MAP4: variants seen among roughly 807,000 people sequenced by gnomAD.
MAP4 encodes the protein microtubule-associated protein 4.
A neutral mutation model predicts 170.2 loss-of-function variants in MAP4; 76 were observed. That is an observed-to-expected ratio of 0.45 (90% CI 0.37 to 0.54). The LOEUF is 0.54. MAP4 is among the 20% of genes least tolerant of loss of function. The pLI, the probability that MAP4 is intolerant of heterozygous loss-of-function variation, is 0.00. For missense variants in MAP4, 2,506 were observed against 2,748.0 expected (o/e 0.91, Z 1.97); for synonymous variants, 909 against 994.5 (o/e 0.91, Z 1.62).
chr3:47,922,904 G>C (rs1444157661), intron 4 of MAP4, among the ~76,000 whole-genome samples: 3 of 152,138 alleles, frequency 2.0e-5, no homozygotes, highest in South Asian at 2.1e-4. Flanking sequence ...AAAAAAATTA[G>C]TCAGGCGTGG....
At chr3:47,889,358 C>T (rs950450960) in intron 10 of MAP4, among the ~76,000 whole-genome samples, 4 of 152,220 alleles carry the variant, frequency 2.6e-5, no homozygotes, top group Admixed American at 6.5e-5. Flanking sequence ...TCCCAGGGTT[C>T]CAAGGCCCAC....
At position 47,911,020 on chromosome 3, in the gene MAP4, G is replaced by A. The variant is rs749245740; in HGVS notation, c.3401C>T (p.Thr1134Met). The change falls in exon 9 of 21, where the codon ACG becomes ATG. Residue 1134 changes from threonine (T) to methionine (M), a missense_variant. By Grantham distance (81) the Thr-to-Met change is moderately conservative (BLOSUM62 -1). Around this residue, in one of 3 missense-constraint regions of MAP4, gnomAD observed 2,008 missense variants for 2,206.0 expected, o/e 0.91. Coordinates refer to ENST00000683076, the MANE Select transcript of MAP4 (RefSeq NM_001385682.1). The surrounding 1 kb of genome is among the most constrained non-coding windows in gnomAD (Gnocchi z 4.0). ...SKQPGTKADLTEAVVMGEPKE... is the reference protein window; with the variant it reads ...SKQPGTKADLMEAVVMGEPKE... ...AGGCTCCCCCATCACCACTGCCTCC[G>A]TGAGATCAGCCTTAGTGCCTGGTTG... 1.9e-5 allele frequency: 29 copies of A among 1,536,014 alleles called. No homozygotes were observed. The highest frequency in any genetic ancestry group is 9.5e-5 in the South Asian group (8 of 84,064).
At position 47,872,051 on chromosome 3, in the gene MAP4, G is replaced by A. The variant is rs1164477814; in HGVS notation, c.5807C>T (p.Pro1936Leu). The A allele has an allele frequency of 1.9e-6, 3 of 1,613,258 alleles. No individual in the cohort carries two copies. The highest frequency in any genetic ancestry group is 1.3e-5 in the African/African-American group (1 of 74,928). The change falls in exon 13 of 21, where the codon CCA becomes CTA. Residue 1936 changes from proline (P) to leucine (L), a missense_variant. Around this residue, in one of 3 missense-constraint regions of MAP4, gnomAD observed 487 missense variants for 511.6 expected, o/e 0.95. Transcript: ENST00000683076. Reference sequence around the variant, plus strand: ...AGATCTGGAGGCTGGGGCAGAAGCTGGCTTGGATGGTGAGGCCCGCTTCTC... The same window carrying A: ...AGATCTGGAGGCTGGGGCAGAAGCTAGCTTGGATGGTGAGGCCCGCTTCTC... Reference protein sequence around the residue: ...APEKRASPSKPASAPASRSGS... With the variant: ...APEKRASPSKLASAPASRSGS...
intron 3 of MAP4, among the ~76,000 whole-genome samples, chr3:47,944,219 A>AGAAT (rs2100058270): frequency 6.6e-6 from 1 of 152,068 alleles, no homozygotes; most frequent in Non-Finnish European, 1.5e-5. Flanking sequence ...CTGAGGCAGA[A>AGAAT]GAATGGCTTG....
intron 7 of MAP4, among the ~76,000 whole-genome samples, chr3:47,915,692 G>A (rs1432342575): frequency 6.6e-6 from 1 of 152,156 alleles, no homozygotes; most frequent in African/African-American, 2.4e-5. Flanking sequence ...TGGAATAGAA[G>A]TTTGTCGATG....
intron 12 of MAP4, among the ~76,000 whole-genome samples, chr3:47,872,577 A>C (rs1176185967): frequency 6.6e-6 from 1 of 152,184 alleles, no homozygotes; most frequent in Non-Finnish European, 1.5e-5. Flanking sequence ...CTAAGAGCAA[A>C]GTCCTCCACA....
intron 7 of MAP4, among the ~76,000 whole-genome samples, chr3:47,915,317 T>C (rs2100038167): frequency 6.6e-6 from 1 of 151,932 alleles, no homozygotes; most frequent in Non-Finnish European, 1.5e-5. Context: ...GGTTTCTCCA[T>C]GTTGGTCAGG....
At chr3:47,936,626 G>T (rs2100053042) in intron 3 of MAP4, among the ~76,000 whole-genome samples, 1 of 151,914 alleles carries the variant, frequency 6.6e-6, no homozygotes, top group African/African-American at 2.4e-5. Flanking sequence ...CTTCTTCACA[G>T]GACAGAAAAG....
At chr3:48,087,780 G>A (rs1257326073) in intron 1 of MAP4, among the ~76,000 whole-genome samples, 2 of 136,950 alleles carry the variant, frequency 1.5e-5, no homozygotes, top group African/African-American at 5.6e-5. Context: ...CACACACACT[G>A]CAAGAAACAC....
chr3:48,046,953 G>T (rs1237774062), intron 1 of MAP4, among the ~76,000 whole-genome samples: 1 of 151,998 alleles, frequency 6.6e-6, no homozygotes, highest in Non-Finnish European at 1.5e-5. Flanking sequence ...AATGAGCCGG[G>T]CGTGGTGGCA....
At chr3:47,936,399 T>C (rs1325054204) in intron 3 of MAP4, among the ~76,000 whole-genome samples, 1 of 150,936 alleles carries the variant, frequency 6.6e-6, no homozygotes, top group Non-Finnish European at 1.5e-5. Context: ...ATCACTGTAC[T>C]CTAGCCTGGG....
intron 10 of MAP4, among the ~76,000 whole-genome samples, chr3:47,882,637 A>G (rs1432575230): frequency 2.0e-5 from 3 of 151,962 alleles, no homozygotes; most frequent in Non-Finnish European, 4.4e-5. Flanking sequence ...ATGGGGTCTC[A>G]CTGTGTTGCT....
chr3:47,872,744 A>G (rs2093835951), intron 12 of MAP4, among the ~76,000 whole-genome samples: 1 of 152,194 alleles, frequency 6.6e-6, no homozygotes, highest in Non-Finnish European at 1.5e-5. Context: ...TGCTATATAT[A>G]TCATACACAC....
chr3:47,889,017 G>C (rs1344965868), intron 10 of MAP4, among the ~76,000 whole-genome samples: 1 of 152,188 alleles, frequency 6.6e-6, no homozygotes, highest in Non-Finnish European at 1.5e-5. Flanking sequence ...TCGGAACCCT[G>C]ACATATATGG....
At chr3:48,045,245 T>G (rs1256491462) in intron 1 of MAP4, among the ~76,000 whole-genome samples, 4 of 118,878 alleles carry the variant, frequency 3.4e-5, no homozygotes, top group Admixed American at 2.1e-4. Context: ...GTGACAAGAG[T>G]GAGACTCAGT....
chr3:48,076,218 C>T (rs549926829), intron 1 of MAP4, among the ~76,000 whole-genome samples: 82 of 151,724 alleles, frequency 5.4e-4, no homozygotes, highest in Middle Eastern at 3.4e-3. Context: ...ACATCTCAGC[C>T]GGGCGCAGTG....
upstream of MAP4, among the ~76,000 whole-genome samples, chr3:48,020,788 T>C (rs2100110156): frequency 6.6e-6 from 1 of 152,156 alleles, no homozygotes; most frequent in Non-Finnish European, 1.5e-5. Context: ...TATTTGTTGT[T>C]GTTGTTTTGT....
chr3:48,022,959 G>A (rs1363927650), intron 1 of MAP4, among the ~76,000 whole-genome samples: 1 of 152,024 alleles, frequency 6.6e-6, no homozygotes, highest in Non-Finnish European at 1.5e-5. Context: ...CAGACTCCAG[G>A]AAATGAAAAA....
intron 1 of MAP4, among the ~76,000 whole-genome samples, chr3:48,011,347 A>C (rs999241459): frequency 1.3e-5 from 2 of 152,068 alleles, no homozygotes; most frequent in Non-Finnish European, 1.5e-5. Flanking sequence ...TGGCCAACAC[A>C]GTAAAACCCT....
Sources: gnomAD v4.1 joint callset for allele counts (sites outside exome capture counted in the v4.1 genomes callset) on GRCh38, gnomAD v4.1.1 for gene constraint, gnomAD v4.1.1 regional missense constraint, Gnocchi (gnomAD v3.1) non-coding constraint, MANE v1.5 for transcripts, NCBI Gene and HGNC (gene_info 2026-07-23, HGNC 2026-07-21) for gene names.